URB1: variants seen among roughly 807,000 people sequenced by gnomAD.
URB1 encodes the protein nucleolar pre-ribosomal-associated protein 1.
Under a neutral mutation model 242.3 loss-of-function variants are expected in URB1, and 197 were observed. That is an observed-to-expected ratio of 0.81 (90% confidence interval 0.72 to 0.91). The LOEUF is 0.91. Ranked by LOEUF, URB1 falls within the 40% of genes least tolerant of loss-of-function variation. The pLI is 0.00. For missense variants in URB1, 2,721 were observed against 2,860.5 expected, an observed-to-expected ratio of 0.95 and a Z score of 1.11; for synonymous variants, 1,153 against 1,201.8, an observed-to-expected ratio of 0.96 and a Z score of 0.84.
At chr21:32,326,556 A>G (rs2032831731) in intron 30 of URB1, among the ~76,000 whole-genome samples, 1 of 151,912 alleles carries the variant, frequency 6.6e-6, no homozygotes, top group African/African-American at 2.4e-5. Flanking sequence ...TGAATTACAA[A>G]CCCCCATGTT....
intron 35 of URB1, among the ~76,000 whole-genome samples, chr21:32,320,123 G>C (rs987362163): frequency 6.6e-6 from 1 of 152,232 alleles, no homozygotes. Context: ...CCTGTCACCC[G>C]TCAGACCGGC....
At chr21:32,379,904 G>A (rs1024508807) in intron 4 of URB1, among the ~76,000 whole-genome samples, 4 of 151,870 alleles carry the variant, frequency 2.6e-5, no homozygotes, top group Non-Finnish European at 5.9e-5. Context: ...ACTTAAGCCC[G>A]GGAGGCAGAG....
At chr21:32,343,998 C>G (rs2033057988) in intron 24 of URB1, among the ~76,000 whole-genome samples, 2 of 151,876 alleles carry the variant, frequency 1.3e-5, no homozygotes, top group Admixed American at 1.3e-4. Context: ...AGAAAAGCAA[C>G]AAGTTTGAAA....
Position 32,372,490 on chromosome 21 carries a change from A to G in URB1, c.1001+17T>C, listed in dbSNP as rs1253589182. 5.8e-6 allele frequency: 9 copies of G among 1,549,628 alleles called. No homozygotes were observed. Among genetic ancestry groups the G allele is most frequent in the Non-Finnish European group, 7.8e-6 (9 of 1,146,640 alleles). On this transcript the variant is annotated intron_variant, in intron 8 of 38. Transcript: ENST00000382751. ...GAACATACACACCCTGGGGTCCACAAGAGTGTTATACTTTACCTGCCAAAG... is the reference window on the plus strand; with the variant it reads ...GAACATACACACCCTGGGGTCCACAGGAGTGTTATACTTTACCTGCCAAAG...
chr21:32,377,862 C>T (rs190100180), intron 5 of URB1, among the ~76,000 whole-genome samples: 6 of 152,154 alleles, frequency 3.9e-5, no homozygotes, highest in Admixed American at 1.3e-4. Context: ...GGAATCTTAC[C>T]GAGCAACTGC....
intron 28 of URB1, chr21:32,335,663 C>G (rs990384880): frequency 2.0e-5 from 3 of 152,548 alleles, no homozygotes; most frequent in Non-Finnish European, 4.4e-5. Flanking sequence ...CTGTTCACCC[C>G]AGTTTCTGGC....
At chr21:32,317,646 T>C in intron 37 of URB1, 30 bp downstream of exon 37, 2 of 1,549,524 alleles carry the variant, frequency 1.3e-6, no homozygotes, top group Non-Finnish European at 1.7e-6. Flanking sequence ...TGTTGGCTAC[T>C]CTGGGCCAGT....
chr21:32,312,179 G>C lies in URB1; in HGVS notation c.*2739C>G. 6.6e-7 allele frequency: 1 copy of C among 1,504,124 alleles called. No individual in the cohort carries two copies. The highest frequency in any genetic ancestry group is 8.8e-7 in the Non-Finnish European group (1 of 1,130,092). 93.2% of individuals were successfully genotyped at this position (1,504,124 alleles called of 1,614,324 possible). On this transcript the variant is annotated 3_prime_UTR_variant, in exon 39 of 39. Transcript: ENST00000382751. ...ATTGCAGTGGCCCCTCGAGTGCAGA[G>C]GTCATCCCAGGTGTTGCTGAGTTTA...
Position 32,375,449 on chromosome 21 carries a change from C to G in URB1, c.699G>C (p.Lys233Asn). 1 of 1,539,284 alleles carries G rather than the reference C, an allele frequency of 6.5e-7. No homozygotes were observed. Among genetic ancestry groups the G allele is most frequent in the Non-Finnish European group, 8.8e-7 (1 of 1,141,298 alleles). The change falls in exon 6 of 39, where the codon AAG (lysine) becomes AAC (asparagine). Residue 233 changes from lysine (K) to asparagine (N), a missense_variant. Lys to Asn is a moderately conservative substitution (Grantham distance 94, BLOSUM62 0). Transcript: ENST00000382751. ...FIPCIFSSGI[K>N]EDRISTINIL... ...TATTGATGGTAGAGATCCTATCTTC[C>G]TTTATCCCTGAGCTAAAAATGCAAG...
At chr21:32,342,466 T>A (rs2033040821) in intron 24 of URB1, among the ~76,000 whole-genome samples, 1 of 149,770 alleles carries the variant, frequency 6.7e-6, no homozygotes, top group African/African-American at 2.5e-5. Context: ...CACTCGTGAC[T>A]TTTTTTTTTC....
Position 32,321,825 on chromosome 21 carries a change from G to C in URB1, c.5460C>G (p.Ser1820Arg), listed in dbSNP as rs1295130648. The C allele has an allele frequency of 2.6e-6, 4 of 1,551,586 alleles. No homozygotes were observed. The African/African-American group carries it at 5.5e-5, about 21-fold the overall frequency. Residue 1820 changes from serine (S) to arginine (R), a missense_variant, in exon 34 of 39, where the codon AGC (serine) becomes AGG (arginine). By Grantham distance (110) the Ser-to-Arg change is moderately radical. Coordinates refer to ENST00000382751, the MANE Select transcript of URB1 (RefSeq NM_014825.3). ...IFHIILSFFH[S>R]PLCDEAAQNW... ...CCTGTGCTGCCTCGTCACACAGCGG[G>C]CTGTGGAAGAAGGACAGGATGATGT... is the stretch of plus-strand genomic sequence containing the variant.
At chr21:32,320,472 A>T (rs2032751199) in intron 35 of URB1, 59 bp downstream of exon 35, 2 of 1,279,844 alleles carry the variant, frequency 1.6e-6, no homozygotes, top group Non-Finnish European at 2.2e-6. Flanking sequence ...AGCAGACGTC[A>T]TCGTTTCTGT....
At chr21:32,342,918 C>T (rs1428142258) in intron 24 of URB1, among the ~76,000 whole-genome samples, 1 of 152,040 alleles carries the variant, frequency 6.6e-6, no homozygotes, top group Non-Finnish European at 1.5e-5. Context: ...CATACAACTG[C>T]GTGATACATG....
At chr21:32,341,883 A>G (rs1236120090) in intron 24 of URB1, among the ~76,000 whole-genome samples, 1 of 152,222 alleles carries the variant, frequency 6.6e-6, no homozygotes, top group African/African-American at 2.4e-5. Flanking sequence ...CAGAGAGCAG[A>G]ACCAAGATTA....
In URB1 at chr21:32,314,555, A is replaced by C; in HGVS notation, c.*363T>G. 3 of 1,613,762 alleles carry C rather than the reference A, an allele frequency of 1.9e-6. No homozygotes were observed. Among genetic ancestry groups the C allele is most frequent in the Non-Finnish European group, 2.5e-6 (3 of 1,179,612 alleles). On this transcript the variant is annotated 3_prime_UTR_variant, in exon 39 of 39. Coordinates refer to ENST00000382751, the MANE Select transcript of URB1 (RefSeq NM_014825.3). ...TGATACCTTTTGACATTTCAGCTTT[A>C]ACACAGATGAATCTCTTCTGCATTC... is the stretch of plus-strand genomic sequence containing the variant.
At chr21:32,339,452 A>C (rs1302359378) in intron 25 of URB1, among the ~76,000 whole-genome samples, 2 of 152,068 alleles carry the variant, frequency 1.3e-5, no homozygotes, top group African/African-American at 4.8e-5. Context: ...GCACTTCTCA[A>C]AACAAGGGAG....
At chr21:32,326,777 TAC>T (rs1470461012) in intron 30 of URB1, among the ~76,000 whole-genome samples, 1 of 152,216 alleles carries the variant, frequency 6.6e-6, no homozygotes, top group African/African-American at 2.4e-5. Flanking sequence ...CCATGCTTCC[TAC>T]ACAGACTATG....
chr21:32,359,697 C>T, intron 14 of URB1, 99 bp downstream of exon 14: 1 of 1,041,082 alleles, frequency 9.6e-7, no homozygotes. Context: ...TCCGTCTTGC[C>T]CCGTCAGGTT....
intron 8 of URB1, among the ~76,000 whole-genome samples, chr21:32,371,529 A>G (rs1395002762): frequency 6.6e-6 from 1 of 152,230 alleles, no homozygotes; most frequent in Non-Finnish European, 1.5e-5. Context: ...TGATGTGACA[A>G]GTTAAATCAC....
Sources: gnomAD v4.1 joint callset for allele counts (sites outside exome capture counted in the v4.1 genomes callset) on GRCh38, gnomAD v4.1.1 for gene constraint, MANE v1.5 for transcripts, NCBI Gene and HGNC (gene_info 2026-07-23, HGNC 2026-07-21) for gene names.